PARP11: variants seen among roughly 807,000 people sequenced by gnomAD.
The protein encoded by PARP11 is poly(ADP-ribose) polymerase family member 11, also known as protein mono-ADP-ribosyltransferase PARP11.
A neutral mutation model predicts 42.9 loss-of-function variants in PARP11; 31 were observed. That is an observed-to-expected ratio of 0.72 (90% CI 0.54 to 0.98). The LOEUF is 0.98. Among genes scored for constraint, PARP11 ranks in the 50% least tolerant of loss-of-function variants. The pLI is 0.00. For missense variants in PARP11, 365 were observed against 413.1 expected (o/e 0.88, Z 1.01); for synonymous variants, 137 against 127.3 (o/e 1.08, Z -0.51).
At chr12:3,860,980 C>T (rs1321879679) in intron 1 of PARP11, among the ~76,000 whole-genome samples, 2 of 152,134 alleles carry the variant, frequency 1.3e-5, no homozygotes, top group African/African-American at 4.8e-5. Flanking sequence ...ACTCAGACCA[C>T]CATTGCATTT....
chr12:3,842,515 T>G (rs1050079954), intron 1 of PARP11: 1 of 1,572,444 alleles, frequency 6.4e-7, no homozygotes, highest in Non-Finnish European at 8.7e-7. Flanking sequence ...ACAGCACGCT[T>G]GACGGTTGTT....
chr12:3,869,693 G>A (rs1427401789), intron 1 of PARP11, among the ~76,000 whole-genome samples: 2 of 152,126 alleles, frequency 1.3e-5, no homozygotes, highest in African/African-American at 4.8e-5. Context: ...GCCCAGTCTA[G>A]TATTAGCTCC....
intron 7 of PARP11, among the ~76,000 whole-genome samples, chr12:3,813,235 T>C (rs1468654306): frequency 6.6e-6 from 1 of 152,214 alleles, no homozygotes; most frequent in Non-Finnish European, 1.5e-5. Context: ...GGGATTCTTT[T>C]AAACCCCAAG....
Position 3,840,936 on chromosome 12 carries a change from T to G in PARP11, c.19-10918A>C, listed in dbSNP as rs1947874403. 3.1e-6 allele frequency: 5 copies of G among 1,607,058 alleles called. No individual in the cohort carries two copies. The Admixed American group carries it at 5.0e-5, about 16-fold the overall frequency. ...AGGTACATCTAACTCCTGCAGTGCC[T>G]TCTTTACCAGCCACTGTGCCAGCCT... is the stretch of plus-strand genomic sequence containing the variant. On this transcript the variant is annotated intron_variant, in intron 1 of 7. Coordinates refer to ENST00000228820, the MANE Select transcript of PARP11 (RefSeq NM_020367.6). The surrounding 1 kb of genome is among the most constrained non-coding windows in gnomAD (Gnocchi z 4.4).
chr12:3,812,759 T>C (rs1486232020), intron 7 of PARP11, among the ~76,000 whole-genome samples: 1 of 152,184 alleles, frequency 6.6e-6, no homozygotes, highest in Non-Finnish European at 1.5e-5. Context: ...ATAAAACAGA[T>C]AAAACTGGTT....
intron 7 of PARP11, 25 bp downstream of exon 7, chr12:3,814,012 T>C (rs890547993): frequency 6.5e-7 from 1 of 1,527,044 alleles, no homozygotes; most frequent in South Asian, 1.3e-5. Flanking sequence ...GGGGCTCAAA[T>C]TGGACCTGGA....
Position 3,814,088 on chromosome 12 carries a change from G to C in PARP11, c.649C>G (p.His217Asp). The C allele has an allele frequency of 6.2e-7, 1 of 1,607,600 alleles. No homozygotes were observed. The highest frequency in any genetic ancestry group is 8.5e-7 in the Non-Finnish European group (1 of 1,175,892). The change falls in exon 7 of 8, where the codon CAT becomes GAT. Residue 217 changes from histidine (H) to aspartate (D), a missense_variant. Physicochemically the swap from His to Asp is moderately conservative, Grantham distance 81 (BLOSUM62 -1). Coordinates refer to ENST00000228820, the MANE Select transcript of PARP11 (RefSeq NM_020367.6). ...CCATTTATTCTCCAATCAAAGTTAT[G>C]AATGCAGATTGCTTCCACAAATTCA... ...SSEFVEAICI[H>D]NFDWRINGIH...
chr12:3,829,226 A>G (rs1381749134), intron 2 of PARP11, among the ~76,000 whole-genome samples, 196 bp from the exon 3 acceptor site: 6 of 152,248 alleles, frequency 3.9e-5, no homozygotes, highest in Non-Finnish European at 7.3e-5. Context: ...TCTCCAGTGA[A>G]GAGACAACTG....
At chr12:3,845,667 G>A (rs1372373334) in intron 1 of PARP11, among the ~76,000 whole-genome samples, 3 of 152,168 alleles carry the variant, frequency 2.0e-5, no homozygotes, top group Non-Finnish European at 4.4e-5. Context: ...TGTGTACTGT[G>A]TTTTGCTTCC....
chr12:3,827,370 T>C (rs7305729), intron 3 of PARP11, among the ~76,000 whole-genome samples: 24,971 of 152,122 alleles, frequency 0.16, 2,546 homozygotes, highest in East Asian at 0.36. Flanking sequence ...AAAAGTGTAG[T>C]CTACTAAAAA....
Position 3,811,176 on chromosome 12 carries a change from CA to C in PARP11, c.*946del, listed in dbSNP as rs1413457112. On this transcript the variant is annotated 3_prime_UTR_variant, in exon 8 of 8. Coordinates refer to ENST00000228820, the MANE Select transcript of PARP11 (RefSeq NM_020367.6). ...GCATCCCATGCTTTCTATAATGTTT[CA>C]AAATGGAGAGATACAAATTTGAAAT... The C allele has an allele frequency of 6.6e-6, 1 of 152,006 alleles. No homozygotes were observed. Among genetic ancestry groups the C allele is most frequent in the East Asian group, 1.9e-4 (1 of 5,192 alleles). The allele number at this position is 152,006 out of a possible 1,614,324, so 9.4% of individuals were successfully genotyped here.
At chr12:3,870,434 T>C (rs529680612) in intron 1 of PARP11, among the ~76,000 whole-genome samples, 2 of 152,310 alleles carry the variant, frequency 1.3e-5, no homozygotes, top group South Asian at 4.2e-4. Flanking sequence ...AGAAAACCCA[T>C]TGCTTACAAA....
chr12:3,854,329 A>G (rs1269998057), intron 1 of PARP11, among the ~76,000 whole-genome samples: 4 of 152,246 alleles, frequency 2.6e-5, no homozygotes, highest in Non-Finnish European at 4.4e-5. Flanking sequence ...ACTCTTCAAA[A>G]AAACAAATGA....
At chr12:3,855,932 T>C (rs1027272446) in intron 1 of PARP11, among the ~76,000 whole-genome samples, 16 of 152,124 alleles carry the variant, frequency 1.1e-4, no homozygotes, top group Admixed American at 3.3e-4. Context: ...AACAGAGATA[T>C]AGACCAATGG....
intron 1 of PARP11, among the ~76,000 whole-genome samples, chr12:3,845,255 G>A (rs1168615939): frequency 1.3e-5 from 2 of 152,114 alleles, no homozygotes; most frequent in Non-Finnish European, 2.9e-5. Flanking sequence ...TCCTCATACT[G>A]TTTACTGATA....
At chr12:3,843,773 T>C (rs939608286) in intron 1 of PARP11, among the ~76,000 whole-genome samples, 1 of 152,248 alleles carries the variant, frequency 6.6e-6, no homozygotes, top group Non-Finnish European at 1.5e-5. Context: ...TCTGTGTTAT[T>C]TTGTAAAAAT....
intron 6 of PARP11, 96 bp downstream of exon 6, chr12:3,821,777 G>A: frequency 1.5e-6 from 2 of 1,304,702 alleles, no homozygotes; most frequent in South Asian, 2.6e-5. Flanking sequence ...AAAACAGCAT[G>A]TCTACACCAC....
At chr12:3,815,004 G>A (rs1283943678) in intron 6 of PARP11, 1 of 456,372 alleles carries the variant, frequency 2.2e-6, no homozygotes, top group South Asian at 1.6e-5. Context: ...CCAATCTCAG[G>A]AGGAAAGAAG....
intron 1 of PARP11, among the ~76,000 whole-genome samples, chr12:3,851,469 G>A (rs1288012019): frequency 1.3e-5 from 2 of 152,232 alleles, no homozygotes; most frequent in Non-Finnish European, 2.9e-5. Context: ...CCCGCACCTG[G>A]CTCAGCGGGT....
Sources: gnomAD v4.1 joint callset for allele counts (sites outside exome capture counted in the v4.1 genomes callset) on GRCh38, gnomAD v4.1.1 for gene constraint, Gnocchi (gnomAD v3.1) non-coding constraint, MANE v1.5 for transcripts, NCBI Gene and HGNC (gene_info 2026-07-23, HGNC 2026-07-21) for gene names.